Variants in PLEC observed in about 807,000 individuals in gnomAD.
PLEC encodes hemidesmosomal protein 1.
Under a neutral mutation model 392.8 loss-of-function variants are expected in PLEC, and 216 were observed. That is an observed-to-expected ratio of 0.55 (90% CI 0.49 to 0.62). PLEC has a LOEUF of 0.62. PLEC is among the 20% of genes least tolerant of loss of function. The pLI is 0.00. For missense variants in PLEC, 6,863 were observed against 6,563.4 expected (o/e 1.05, Z -1.58); for synonymous variants, 3,621 against 2,980.6 (o/e 1.21, Z -7.00).
At chr8:143,974,739 C>T (rs984516232), upstream of PLEC, among the ~76,000 whole-genome samples, 2 of 152,246 alleles carry the variant, frequency 1.3e-5, no homozygotes, top group African/African-American at 4.8e-5. This position sits in a 1 kb window ranked among gnomAD's most constrained non-coding sequence, Gnocchi z 5.9. Flanking sequence ...CCATCGTTCT[C>T]CCTGGATGGG....
At position 143,919,677 on chromosome 8, in the gene PLEC, C is replaced by T; in HGVS notation, c.10144G>A (p.Ala3382Thr). The T allele has an allele frequency of 6.3e-7, 1 of 1,599,514 alleles. No individual in the cohort carries two copies. Among genetic ancestry groups the T allele is most frequent in the Non-Finnish European group, 8.5e-7 (1 of 1,174,488 alleles). Residue 3382 changes from alanine (A) to threonine (T), a missense_variant, in exon 32 of 32, where the codon GCC becomes ACC. Transcript: ENST00000345136. ...TCCAGCAGGAGCGCAGCCGTTGTGG[C>T]TCTCAGCAGGCCCCGGCGCATGGCC... ...YEAMRRGLLRATTAALLLEAQ... is the reference protein window; with the variant it reads ...YEAMRRGLLRTTTAALLLEAQ...
Position 143,929,690 on chromosome 8 carries a change from G to A in PLEC, c.2879C>T (p.Ser960Phe), listed in dbSNP as rs782135233. The change falls in exon 23 of 32, where the codon TCC (serine) becomes TTC (phenylalanine). Residue 960 changes from serine to phenylalanine, a missense_variant. Coordinates refer to ENST00000345136, the MANE Select transcript of PLEC (RefSeq NM_201384.3). ...DRLMAEREYG[S>F]CSHHYQQLLQ... ...CAGCTGCTGGTAGTGGTGGCTGCAG[G>A]AGCCGTACTCGCGCTCAGCCATCAG... The A allele has an allele frequency of 1.9e-6, 3 of 1,600,152 alleles. No homozygotes were observed. Among genetic ancestry groups the A allele is most frequent in the Non-Finnish European group, 2.5e-6 (3 of 1,179,316 alleles).
chr8:143,923,102 A>T lies in PLEC; in HGVS notation c.6827T>A (p.Val2276Glu). 6.2e-7 allele frequency: 1 copy of T among 1,605,290 alleles called. No homozygotes were observed. The highest frequency in any genetic ancestry group is 8.5e-7 in the Non-Finnish European group (1 of 1,179,658). ...LQEEAEKMKQ[V>E]AEEAARLSVA... is the part of the protein sequence containing the mutation. Reference sequence around the variant, plus strand: ...ACTCAGCCGCGCGGCCTCCTCCGCCACCTGCTTCATCTTCTCAGCCTCCTC... The same window carrying T: ...ACTCAGCCGCGCGGCCTCCTCCGCCTCCTGCTTCATCTTCTCAGCCTCCTC... The change falls in exon 31 of 32, where the codon GTG (valine) becomes GAG (glutamate). Residue 2276 changes from valine to glutamate, a missense_variant. By Grantham distance (121) the Val-to-Glu change is moderately radical. Transcript: ENST00000345136.
rs782317585 is a variant in PLEC at position 143,923,608 on chromosome 8, G to T, written c.6321C>A (p.Ser2107=). 3 of 1,591,710 alleles carry T rather than the reference G, an allele frequency of 1.9e-6. No homozygotes were observed. The highest frequency in any genetic ancestry group is 2.6e-6 in the Non-Finnish European group (3 of 1,176,346). The change falls in exon 31 of 32, where the codon TCC becomes TCA. Residue 2107 remains serine (S), a synonymous_variant. Coordinates refer to ENST00000345136, the MANE Select transcript of PLEC (RefSeq NM_201384.3). ...GCTCGGCCTCTTCCACCTGCCGCCG[G>T]GACTGCGCCGCCTCACGCTCCGCCT... ...RVQAEREAAQ[S]RRQVEEAERL...
At chr8:143,933,137 G>A (rs1156756259) in intron 13 of PLEC, 26 bp from the exon 14 acceptor site, 1 of 1,604,306 alleles carries the variant, frequency 6.2e-7, no homozygotes, top group Non-Finnish European at 8.5e-7. Context: ...ACTCAGGTAG[G>A]TGTTGGCGGG....
At chr8:143,945,280 TG>T (rs1554731574) in intron 1 of PLEC, 1 of 472,630 alleles carries the variant, frequency 2.1e-6, no homozygotes, top group East Asian at 6.8e-5. Context: ...CAGCCTCTCC[TG>T]GGGTCCCAGG....
upstream of PLEC, among the ~76,000 whole-genome samples, chr8:143,951,240 C>T (rs564684345): frequency 7.9e-5 from 12 of 152,154 alleles, no homozygotes; most frequent in South Asian, 2.3e-3. Context: ...GAGGGGTACT[C>T]GGCAGGGATG....
In PLEC at chr8:143,927,869, G is replaced by A. The variant is rs782032897; in HGVS notation, c.3384C>T (p.Thr1128=). 1.9e-6 allele frequency: 3 copies of A among 1,590,234 alleles called. No individual in the cohort carries two copies. Among genetic ancestry groups the A allele is most frequent in the South Asian group, 2.3e-5 (2 of 88,296 alleles). Residue 1128 remains threonine (T), a synonymous_variant, in exon 26 of 32, where the codon ACC becomes ACT. Transcript: ENST00000345136. ...GAAACGATACCTTCAGAGAGGCCTT[G>A]GTGGCCTCGAGCTCCGGGAGGGTGG... The part of the protein sequence containing the change: ...VPATLPELEA[T]KASLKKLRAQ...
chr8:143,946,986 G>A (rs963270758), intron 1 of PLEC, among the ~76,000 whole-genome samples: 3 of 152,118 alleles, frequency 2.0e-5, no homozygotes, highest in Non-Finnish European at 4.4e-5. Flanking sequence ...TCTCCACCCA[G>A]GTGCTTGCTG....
chr8:143,964,536 C>T (rs1191945610), intron 1 of PLEC, among the ~76,000 whole-genome samples: 1 of 152,186 alleles, frequency 6.6e-6, no homozygotes, highest in Non-Finnish European at 1.5e-5. Flanking sequence ...CAGAGTCCGC[C>T]CTGGAGCCTC....
In PLEC at chr8:143,922,882, G is replaced by T. The variant is rs1554690762; in HGVS notation, c.7047C>A (p.Asp2349Glu). 6.3e-7 allele frequency: 1 copy of T among 1,582,652 alleles called. No individual in the cohort carries two copies. Among genetic ancestry groups the T allele is most frequent in the South Asian group, 1.1e-5 (1 of 87,780 alleles). The stretch of plus-strand genomic sequence containing the variant: ...CCAGCTGCTGCGCCATCTGCTCCTT[G>T]TCCTCCTGCAGCCGCCGCGCCTGCT... ...AQEQARRLQE[D>E]KEQMAQQLAE... Residue 2349 changes from aspartate to glutamate, a missense_variant, in exon 31 of 32, where the codon GAC becomes GAA. Asp to Glu is a conservative substitution (Grantham distance 45, BLOSUM62 2). Coordinates refer to ENST00000345136, the MANE Select transcript of PLEC (RefSeq NM_201384.3).
chr8:143,944,675 G>T, intron 1 of PLEC: 1 of 1,334,884 alleles, frequency 7.5e-7, no homozygotes. Context: ...GGGGACGGTG[G>T]CAGGAGCCCA....
chr8:143,968,811 C>T (rs1477771944), intron 1 of PLEC, among the ~76,000 whole-genome samples: 1 of 152,178 alleles, frequency 6.6e-6, no homozygotes, highest in Non-Finnish European at 1.5e-5. Flanking sequence ...CACTCGACAC[C>T]CACTAGGATT....
chr8:143,965,206 C>T (rs1472668696), intron 1 of PLEC, among the ~76,000 whole-genome samples: 1 of 152,122 alleles, frequency 6.6e-6, no homozygotes, highest in Non-Finnish European at 1.5e-5. Flanking sequence ...ACAAAGTGAT[C>T]CCCATCCCAT....
At chr8:143,950,893 T>C, upstream of PLEC, 1 of 1,242,670 alleles carries the variant, frequency 8.0e-7, no homozygotes, top group Non-Finnish European at 1.1e-6. Flanking sequence ...GTGTGGCTCG[T>C]GGCGCCTGGC....
rs1260535275 is a variant in PLEC at position 143,969,422 on chromosome 8, G to A, written c.70+3981C>T. On this transcript the variant is annotated intron_variant, in intron 1 of 31. Transcript: ENST00000356346. The surrounding 1 kb of genome is among the most constrained non-coding windows in gnomAD (Gnocchi z 5.1). ...GGGAGAGGCCTCCGTGCTGAGGGCT[G>A]TGGGCTGGTGACTTAGACAGTCGGC... Among the ~76,000 whole-genome samples the A allele has an allele frequency of 1.3e-5, 2 of 152,272 alleles. No individual in the cohort carries two copies. Among genetic ancestry groups the A allele is most frequent in the African/African-American group, 4.8e-5 (2 of 41,472 alleles).
intron 1 of PLEC, among the ~76,000 whole-genome samples, chr8:143,961,138 G>T (rs1554740729): frequency 6.6e-6 from 1 of 152,144 alleles, no homozygotes; most frequent in Admixed American, 6.5e-5. Context: ...TAGAAATCCA[G>T]ATTTTTGATT....
chr8:143,918,275 G>A lies in PLEC; in HGVS notation c.11546C>T (p.Pro3849Leu), dbSNP rs781799584. 29 of 1,592,450 alleles carry A rather than the reference G, an allele frequency of 1.8e-5. No individual in the cohort carries two copies. Among genetic ancestry groups the A allele is most frequent in the Admixed American group, 5.1e-5 (3 of 59,390 alleles). ...EPSEVRSYVD[P>L]STDERLSYTQ... ...GTAGCTGAGGCGCTCGTCGGTGGAC[G>A]GGTCCACGTAGCTGCGCACCTCGCT... is the stretch of plus-strand genomic sequence containing the variant. Residue 3849 changes from proline to leucine, a missense_variant, in exon 32 of 32, where the codon CCG becomes CTG. Coordinates refer to ENST00000345136, the MANE Select transcript of PLEC (RefSeq NM_201384.3).
At chr8:143,958,661 G>A (rs782138860), upstream of PLEC, 3 of 454,108 alleles carry the variant, frequency 6.6e-6, no homozygotes, top group South Asian at 4.7e-5. This position sits in a 1 kb window ranked among gnomAD's most constrained non-coding sequence, Gnocchi z 4.9. Flanking sequence ...CAGCCCTGCC[G>A]CTGCCCTCTG....
Sources: gnomAD v4.1 joint callset for allele counts (sites outside exome capture counted in the v4.1 genomes callset) on GRCh38, gnomAD v4.1.1 for gene constraint, Gnocchi (gnomAD v3.1) non-coding constraint, MANE v1.5 for transcripts, NCBI Gene and HGNC (gene_info 2026-07-23, HGNC 2026-07-21) for gene names.